NYAP2: variants seen among roughly 807,000 people sequenced by gnomAD.
NYAP2 encodes the protein neuronal tyrosine-phosphorylated phosphoinositide-3-kinase adaptor 2, also known as neuronal tyrosine-phosphorylated phosphoinositide-3-kinase adapter 2.
NYAP2 carries 23 observed loss-of-function variants against 50.4 expected under a neutral mutation model. The ratio of observed to expected loss-of-function variants is 0.46; its 90% CI spans 0.33 to 0.65. The LOEUF (loss-of-function observed/expected upper bound fraction) is 0.65, where lower values mean the gene tolerates loss of function less well. Among genes scored for constraint, NYAP2 ranks in the 30% least tolerant of loss-of-function variants. The pLI, the probability that NYAP2 is intolerant of heterozygous loss-of-function variation, is 0.02. For missense variants in NYAP2, 885 were observed against 861.0 expected, an observed-to-expected ratio of 1.03 and a Z score of -0.35; for synonymous variants, 394 against 365.2, an observed-to-expected ratio of 1.08 and a Z score of -0.90.
intron 4 of NYAP2, among the ~76,000 whole-genome samples, chr2:225,576,357 A>G (rs6708235): frequency 0.95 from 145,158 of 152,308 alleles, 69,272 homozygotes; most frequent in African/African-American, 0.99. Context: ...ACACTTTCTT[A>G]TTCCTACTAT....
intron 4 of NYAP2, among the ~76,000 whole-genome samples, chr2:225,575,633 C>G (rs1173613009): frequency 6.6e-6 from 1 of 152,164 alleles, no homozygotes; most frequent in Non-Finnish European, 1.5e-5. Context: ...TGGTGATCTT[C>G]TGAGTGTTCA....
intron 3 of NYAP2, among the ~76,000 whole-genome samples, chr2:225,502,237 A>C (rs945689466): frequency 6.6e-6 from 1 of 152,104 alleles, no homozygotes; most frequent in African/African-American, 2.4e-5. Context: ...ACCTAAACCA[A>C]AGCCGAGCGG....
chr2:225,437,594 A>G (rs1385198889), intron 3 of NYAP2, among the ~76,000 whole-genome samples: 25 of 152,208 alleles, frequency 1.6e-4, no homozygotes, highest in Admixed American at 1.6e-3. Flanking sequence ...AACTCATTTC[A>G]GAAAAGAAGG....
intron 3 of NYAP2, among the ~76,000 whole-genome samples, chr2:225,454,755 C>G (rs1457972787): frequency 1.3e-5 from 2 of 152,106 alleles, no homozygotes; most frequent in African/African-American, 2.4e-5. Flanking sequence ...TGAGGTGGAA[C>G]AGTTTCATCC....
At chr2:225,438,983 A>T (rs1689428414) in intron 3 of NYAP2, among the ~76,000 whole-genome samples, 1 of 152,188 alleles carries the variant, frequency 6.6e-6, no homozygotes, top group African/African-American at 2.4e-5. Flanking sequence ...GGTAAGTGAG[A>T]TGTGCTGGAG....
At chr2:225,538,778 TTTTCTTTC>T (rs201335435) in intron 4 of NYAP2, among the ~76,000 whole-genome samples, 5,991 of 74,202 alleles carry the variant, frequency 0.081, 273 homozygotes, top group East Asian at 0.1. Context: ...TTTTCTTTTC[TTTTCTTTC>T]TTTCTTTCTT....
At chr2:225,443,534 G>A (rs1391031629) in intron 3 of NYAP2, among the ~76,000 whole-genome samples, 1 of 151,898 alleles carries the variant, frequency 6.6e-6, no homozygotes, top group African/African-American at 2.4e-5. Flanking sequence ...CAATCCACAA[G>A]CATAGTACAA....
chr2:225,461,511 A>G (rs1055587506), intron 3 of NYAP2, among the ~76,000 whole-genome samples: 2 of 152,202 alleles, frequency 1.3e-5, no homozygotes, highest in African/African-American at 2.4e-5. Flanking sequence ...TTGAAAGATA[A>G]ACTGGTCTCT....
intron 3 of NYAP2, among the ~76,000 whole-genome samples, chr2:225,501,207 C>T (rs1165140558): frequency 6.6e-6 from 1 of 152,180 alleles, no homozygotes; most frequent in Non-Finnish European, 1.5e-5. Flanking sequence ...CAACTTCAAA[C>T]TGGCTTAAGG....
intron 6 of NYAP2, among the ~76,000 whole-genome samples, chr2:225,635,029 GTACTT>G (rs1383925851): frequency 6.6e-6 from 1 of 152,098 alleles, no homozygotes; most frequent in Non-Finnish European, 1.5e-5. Flanking sequence ...CATATTTCCC[GTACTT>G]TACTTGATAA....
At chr2:225,690,055 A>C in the NYAP2 span, among the ~76,000 whole-genome samples, 1 of 152,130 alleles carries the variant, frequency 6.6e-6, no homozygotes, top group South Asian at 2.1e-4. Context: ...AAAAAGGAAG[A>C]AAATTATAGT....
intron 4 of NYAP2, among the ~76,000 whole-genome samples, chr2:225,514,272 A>G (rs1344757623): frequency 6.6e-6 from 1 of 152,204 alleles, no homozygotes; most frequent in Non-Finnish European, 1.5e-5. Flanking sequence ...TATTAACACT[A>G]GATCTCACCA....
the NYAP2 span, among the ~76,000 whole-genome samples, chr2:225,685,545 T>C: frequency 1.3e-5 from 2 of 152,178 alleles, no homozygotes; most frequent in Non-Finnish European, 2.9e-5. Context: ...GCTTAATCAA[T>C]TAATAGCTGC....
the NYAP2 span, among the ~76,000 whole-genome samples, chr2:225,662,926 G>A: frequency 2.0e-5 from 3 of 152,136 alleles, no homozygotes; most frequent in Non-Finnish European, 2.9e-5. Context: ...TCCGACGATC[G>A]CAGTCTCCAG....
At chr2:225,424,968 T>C (rs1350894338) in intron 3 of NYAP2, among the ~76,000 whole-genome samples, 1 of 152,186 alleles carries the variant, frequency 6.6e-6, no homozygotes, top group Non-Finnish European at 1.5e-5. Context: ...TCCATCATAT[T>C]GAAAGTGGTA....
chr2:225,530,018 T>A (rs1251662314), intron 4 of NYAP2, among the ~76,000 whole-genome samples: 1 of 152,202 alleles, frequency 6.6e-6, no homozygotes, highest in Non-Finnish European at 1.5e-5. Flanking sequence ...CAGTCAGTAT[T>A]TTTTTAGAGA....
intron 3 of NYAP2, among the ~76,000 whole-genome samples, chr2:225,417,671 G>A (rs1415136412): frequency 6.6e-6 from 1 of 152,064 alleles, no homozygotes; most frequent in Admixed American, 6.6e-5. Context: ...ATACCACTCA[G>A]CATATCCTGA....
chr2:225,571,057 A>T (rs1251768449), intron 4 of NYAP2, among the ~76,000 whole-genome samples: 1 of 152,226 alleles, frequency 6.6e-6, no homozygotes, highest in Non-Finnish European at 1.5e-5. Context: ...TTCCAAAATG[A>T]TCTCCTTTGA....
the NYAP2 span, among the ~76,000 whole-genome samples, chr2:225,662,323 C>T: frequency 6.6e-6 from 1 of 152,230 alleles, no homozygotes; most frequent in South Asian, 2.1e-4. Flanking sequence ...TGCATGTGCA[C>T]AAGTGTCTGT....
Sources: allele counts gnomAD v4.1 joint callset (sites outside exome capture counted in the v4.1 genomes callset), GRCh38; gene constraint gnomAD v4.1.1; transcripts MANE v1.5; gene names NCBI Gene and HGNC (gene_info 2026-07-23, HGNC 2026-07-21).